Variants in CA3 observed in about 807,000 individuals in gnomAD.
The protein encoded by CA3 is carbonic anhydrase 3.
CA3 carries 30 observed loss-of-function variants against 35.7 expected under a neutral mutation model. The observed-to-expected ratio is 0.84, with a 90% CI of 0.63 to 1.14. CA3 has a LOEUF of 1.14. CA3 is among the 50% of genes most tolerant of loss of function. The probability of loss-of-function intolerance (pLI) is 0.00; values close to 1 mark genes in which losing one functional copy is unlikely to be tolerated. For synonymous variants in CA3, 131 were observed against 130.8 expected (o/e 1.00, Z -0.01); for missense variants, 295 against 328.5 (o/e 0.90, Z 0.79).
intron 5 of CA3, among the ~76,000 whole-genome samples, chr8:85,445,453 A>G (rs1005260707): frequency 7.9e-5 from 12 of 151,840 alleles, no homozygotes; most frequent in Admixed American, 3.9e-4. Flanking sequence ...CACTTTCTCA[A>G]TGGAGTAAGT....
At position 85,442,187 on chromosome 8, in the gene CA3, C is replaced by T. The variant is rs770535043; in HGVS notation, c.347C>T (p.Ala116Val). ...ACCGTGGATGGAGTCAAGTATGCAG[C>T]GGAGGTAAGAGGAACTGCCATAATC... ...EHTVDGVKYA[A>V]ELHLVHWNPK... The change falls in exon 3 of 7, where the codon GCG becomes GTG. Residue 116 changes from alanine to valine, a missense_variant. By Grantham distance (64) the Ala-to-Val change is moderately conservative. Coordinates refer to ENST00000285381, the MANE Select transcript of CA3 (RefSeq NM_005181.4). 8.5e-6 allele frequency: 13 copies of T among 1,531,138 alleles called. No homozygotes were observed. Among genetic ancestry groups the T allele is most frequent in the East Asian group, 2.2e-5 (1 of 44,496 alleles). 94.8% of individuals were successfully genotyped at this position (1,531,138 alleles called of 1,614,324 possible). A position where few individuals can be genotyped will look rare whatever the true frequency, so the allele number is the denominator to read the frequency against.
rs557757657 is a variant in CA3, at chr8:85,439,813, C to G, written c.136C>G (p.Pro46Ala). The G allele has an allele frequency of 1.9e-6, 3 of 1,613,896 alleles. No individual in the cohort carries two copies. The South Asian group carries it at 3.3e-5, about 18-fold the overall frequency. ...CATCAGGCATGACCCTTCTCTGCAG[C>G]CATGGTCTGTGTCTTATGATGGTGG... The part of the protein sequence containing the change: ...KDIRHDPSLQ[P>A]WSVSYDGGSA... Residue 46 changes from proline to alanine, a missense_variant, in exon 2 of 7, where the codon CCA (proline) becomes GCA (alanine). Transcript: ENST00000285381.
chr8:85,444,947 A>G (rs1811261682), intron 4 of CA3, among the ~76,000 whole-genome samples: 1 of 152,232 alleles, frequency 6.6e-6, no homozygotes, highest in South Asian at 2.1e-4. Context: ...GTGGTCCTGT[A>G]CTTCAGAAGC....
intron 5 of CA3, among the ~76,000 whole-genome samples, chr8:85,445,507 C>CACAG (rs1811275222): frequency 8.6e-6 from 1 of 116,500 alleles, no homozygotes; most frequent in South Asian, 2.9e-4. Context: ...TCGCCCAACA[C>CACAG]ACACACACAC....
At chr8:85,445,821 A>C (rs1225864210) in intron 5 of CA3, among the ~76,000 whole-genome samples, 1 of 152,202 alleles carries the variant, frequency 6.6e-6, no homozygotes, top group Non-Finnish European at 1.5e-5. Flanking sequence ...CAAAACATTA[A>C]CTTATATTAA....
intron 2 of CA3, among the ~76,000 whole-genome samples, chr8:85,441,700 A>G (rs1027437749): frequency 7.9e-5 from 12 of 152,178 alleles, no homozygotes; most frequent in African/African-American, 2.9e-4. Flanking sequence ...CCAGCATTGG[A>G]AACCTACCTC....
chr8:85,439,725 G>T lies in CA3; in HGVS notation c.48G>T (p.Trp16Cys). The T allele has an allele frequency of 6.2e-7, 1 of 1,613,430 alleles. No individual in the cohort carries two copies. ...GYASHNGPDH[W>C]HELFPNAKGE... ...TTTATTTCCTAGGTCCTGACCACTG[G>T]CATGAACTTTTCCCAAATGCCAAGG... Residue 16 changes from tryptophan (W) to cysteine (C), a missense_variant, in exon 2 of 7, where the codon TGG becomes TGT. Transcript: ENST00000285381.
chr8:85,446,027 C>A (rs1405338087), intron 5 of CA3, 115 bp from the exon 6 acceptor site: 27 of 993,014 alleles, frequency 2.7e-5, no homozygotes, highest in Non-Finnish European at 3.6e-5. Context: ...TTTAGAAGTT[C>A]TATTTTCTCT....
chr8:85,444,166 A>G, intron 4 of CA3, 40 bp downstream of exon 4: 1 of 1,280,642 alleles, frequency 7.8e-7, no homozygotes, highest in Non-Finnish European at 1.1e-6. Context: ...TCCAAAATGT[A>G]TTTCCCTGCC....
intron 5 of CA3, among the ~76,000 whole-genome samples, chr8:85,445,531 C>CACACAT (rs1554708003): frequency 1.4e-5 from 2 of 141,154 alleles, no homozygotes; most frequent in East Asian, 4.3e-4. Context: ...CACACACACA[C>CACACAT]ACACACACAC....
intron 2 of CA3, among the ~76,000 whole-genome samples, chr8:85,441,211 A>G (rs1811202747): frequency 6.6e-6 from 1 of 152,154 alleles, no homozygotes; most frequent in African/African-American, 2.4e-5. Flanking sequence ...ATTTTGATCT[A>G]GCTTATATTG....
rs142713454 is a variant in CA3, at chr8:85,446,230, C to T, written c.596C>T (p.Thr199Met). ...DYWTYQGSFT[T>M]PPCEECIVWL... is the part of the protein sequence containing the mutation. ...TGGACCTACCAGGGCTCATTCACCA[C>T]GCCGCCCTGCGAGGAATGCATTGTG... is the stretch of plus-strand genomic sequence containing the variant. Residue 199 changes from threonine to methionine, a missense_variant, in exon 6 of 7, where the codon ACG (threonine) becomes ATG (methionine). Thr to Met is a moderately conservative substitution (Grantham distance 81). Coordinates refer to ENST00000285381, the MANE Select transcript of CA3 (RefSeq NM_005181.4). 106 of 1,614,168 alleles carry T rather than the reference C, an allele frequency of 6.6e-5. No individual in the cohort carries two copies. The highest frequency in any genetic ancestry group is 7.7e-5 in the South Asian group (7 of 91,074).
chr8:85,444,446 A>T (rs1274526754), intron 4 of CA3, among the ~76,000 whole-genome samples: 1 of 152,146 alleles, frequency 6.6e-6, no homozygotes, highest in Non-Finnish European at 1.5e-5. Context: ...CAAAGGTGGC[A>T]TATATTTATT....
chr8:85,443,975 GT>G (rs1392815084), intron 3 of CA3, 58 bp from the exon 4 acceptor site: 12 of 1,142,962 alleles, frequency 1.0e-5, no homozygotes, highest in Non-Finnish European at 1.5e-5. Context: ...TGTGGATAAT[GT>G]TGTACTTATT....
chr8:85,439,329 C>T (rs1227106520), intron 1 of CA3, among the ~76,000 whole-genome samples: 1 of 152,148 alleles, frequency 6.6e-6, no homozygotes, highest in East Asian at 1.9e-4. Flanking sequence ...GCCTAAGCTT[C>T]TCCCTAATCC....
intron 2 of CA3, among the ~76,000 whole-genome samples, chr8:85,440,815 T>C (rs762729114): frequency 1.3e-5 from 2 of 152,176 alleles, no homozygotes; most frequent in Non-Finnish European, 2.9e-5. Flanking sequence ...GTTACAGAAA[T>C]TTAAATTTTC....
chr8:85,444,939 G>A (rs1242584444), intron 4 of CA3, among the ~76,000 whole-genome samples: 1 of 152,120 alleles, frequency 6.6e-6, no homozygotes, highest in Non-Finnish European at 1.5e-5. Context: ...GTAATTTTGT[G>A]GTCCTGTACT....
At chr8:85,447,331 A>G (rs1487051106) in intron 6 of CA3, among the ~76,000 whole-genome samples, 2 of 152,176 alleles carry the variant, frequency 1.3e-5, no homozygotes, top group Non-Finnish European at 1.5e-5. Flanking sequence ...AACTTATATA[A>G]TAAAGGTCTA....
intron 2 of CA3, among the ~76,000 whole-genome samples, chr8:85,441,072 GA>G (rs968949409): frequency 1.3e-5 from 2 of 152,166 alleles, no homozygotes; most frequent in African/African-American, 4.8e-5. Context: ...GCAATGAATT[GA>G]ACCACTCCAT....
Sources: allele counts gnomAD v4.1 joint callset (sites outside exome capture counted in the v4.1 genomes callset), GRCh38; gene constraint gnomAD v4.1.1; transcripts MANE v1.5; gene names NCBI Gene and HGNC (gene_info 2026-07-23, HGNC 2026-07-21).